Variants in PRSS38 observed in about 807,000 individuals in gnomAD.
PRSS38 encodes the protein serine protease 38, also known as marapsin 2.
PRSS38 carries 22 observed loss-of-function variants against 26.8 expected under a neutral mutation model. The ratio of observed to expected loss-of-function variants is 0.82; its 90% CI spans 0.59 to 1.17. The LOEUF is 1.17. Among genes scored for constraint, PRSS38 ranks in the 50% most tolerant of loss-of-function variants. PRSS38 has a pLI of 0.00. For synonymous variants in PRSS38, 175 were observed against 172.1 expected (o/e 1.02, Z -0.13); for missense variants, 427 against 422.7 (o/e 1.01, Z -0.09).
At chr1:227,842,067 T>C (rs188331283) in intron 3 of PRSS38, among the ~76,000 whole-genome samples, 10 of 152,120 alleles carry the variant, frequency 6.6e-5, no homozygotes, top group Admixed American at 5.9e-4. Flanking sequence ...TCCCCCCACC[T>C]CCACAGCACT....
chr1:227,832,291 C>A (rs574147886), intron 3 of PRSS38, among the ~76,000 whole-genome samples: 1 of 152,052 alleles, frequency 6.6e-6, no homozygotes, highest in Non-Finnish European at 1.5e-5. Context: ...TCCATCTTCA[C>A]GTTTAATGTA....
intron 3 of PRSS38, among the ~76,000 whole-genome samples, chr1:227,830,746 C>T (rs1665142858): frequency 6.6e-6 from 1 of 151,920 alleles, no homozygotes; most frequent in Non-Finnish European, 1.5e-5. Context: ...CTCAGGTGAT[C>T]TGCCCACCTC....
At chr1:227,822,122 C>G (rs1665011997) in intron 3 of PRSS38, among the ~76,000 whole-genome samples, 2 of 152,054 alleles carry the variant, frequency 1.3e-5, no homozygotes, top group Non-Finnish European at 2.9e-5. Flanking sequence ...TGCTTTGCCC[C>G]TTTAGTGAAG....
At chr1:227,841,320 C>T (rs894344676) in intron 3 of PRSS38, among the ~76,000 whole-genome samples, 1 of 152,238 alleles carries the variant, frequency 6.6e-6, no homozygotes, top group Admixed American at 6.5e-5. Flanking sequence ...AGCACTTTTC[C>T]AAGCCCCTGC....
intron 3 of PRSS38, among the ~76,000 whole-genome samples, chr1:227,821,448 T>A (rs548004119): frequency 2.6e-5 from 4 of 152,234 alleles, no homozygotes; most frequent in African/African-American, 9.6e-5. Flanking sequence ...ATTTGTCATA[T>A]GGCTTTGACT....
chr1:227,827,778 G>T (rs1572084450), intron 3 of PRSS38, among the ~76,000 whole-genome samples: 1 of 151,944 alleles, frequency 6.6e-6, no homozygotes, highest in Non-Finnish European at 1.5e-5. Flanking sequence ...TTTAGTTGAG[G>T]TGTTAGGTTG....
At chr1:227,840,170 A>G (rs1357589240) in intron 3 of PRSS38, among the ~76,000 whole-genome samples, 2 of 152,118 alleles carry the variant, frequency 1.3e-5, no homozygotes, top group Non-Finnish European at 2.9e-5. Flanking sequence ...GTCTTAGGCT[A>G]GAGTGCAGTG....
chr1:227,846,364 G>A, exon 5 of PRSS38: 1 of 961,354 alleles, frequency 1.0e-6, no homozygotes, highest in Non-Finnish European at 1.5e-6. Flanking sequence ...TGATGAGCAA[G>A]TGTACAAAAG....
At position 227,845,494 on chromosome 1, in the gene PRSS38, AGATGCAGCTC is replaced by A. The variant is rs759616499; in HGVS notation, c.609_618del (p.Glu203AspfsTer3). 9 of 1,611,806 alleles carry A rather than the reference AGATGCAGCTC, an allele frequency of 5.6e-6. No homozygotes were observed. Among genetic ancestry groups the A allele is most frequent in the Non-Finnish European group, 7.6e-6 (9 of 1,178,958 alleles). ...GGTGAGACCTCAGACGAGCTGCAGG[AGATGCAGCTC>A]CCGCTGATCCTGGAGCCCTGGTGCC... On this transcript the variant is annotated frameshift_variant, in exon 4 of 5. Coordinates refer to ENST00000366757, the Ensembl canonical transcript of PRSS38. LOFTEE classifies it high-confidence loss of function.
chr1:227,816,348 C>A lies in PRSS38; in HGVS notation c.311+96C>A. On this transcript the variant is annotated intron_variant, in intron 2 of 4. Coordinates refer to ENST00000366757, the Ensembl canonical transcript of PRSS38. This position sits in a 1 kb window ranked among gnomAD's most constrained non-coding sequence, Gnocchi z 5.1. ...GACCCCACGCAAGCCTCCCCCATCACCATTGTCGACTCCCTTCACCACTGT... is the reference window on the plus strand; with the variant it reads ...GACCCCACGCAAGCCTCCCCCATCAACATTGTCGACTCCCTTCACCACTGT... The A allele has an allele frequency of 7.6e-7, 1 of 1,323,038 alleles. No homozygotes were observed. Among genetic ancestry groups the A allele is most frequent in the African/African-American group, 1.5e-5 (1 of 68,912 alleles). 82.0% of individuals were successfully genotyped at this position (1,323,038 alleles called of 1,614,324 possible).
chr1:227,836,103 CTT>C (rs75326252), intron 3 of PRSS38, among the ~76,000 whole-genome samples: 14 of 146,584 alleles, frequency 9.6e-5, no homozygotes, highest in Non-Finnish European at 1.5e-4. Context: ...TTGTTTTTTA[CTT>C]TTTTTTTTTT....
intron 3 of PRSS38, among the ~76,000 whole-genome samples, chr1:227,818,884 G>C (rs1229313553): frequency 6.6e-6 from 1 of 152,100 alleles, no homozygotes; most frequent in Non-Finnish European, 1.5e-5. Context: ...AAAACACTCT[G>C]ATCCTAGTAC....
chr1:227,830,100 T>C (rs1280324083), intron 3 of PRSS38, among the ~76,000 whole-genome samples: 2 of 152,240 alleles, frequency 1.3e-5, no homozygotes, highest in Admixed American at 1.3e-4. Context: ...TATTCAATTT[T>C]GGATATTAAA....
At chr1:227,820,423 T>A (rs903349046) in intron 3 of PRSS38, among the ~76,000 whole-genome samples, 1 of 152,164 alleles carries the variant, frequency 6.6e-6, no homozygotes, top group Non-Finnish European at 1.5e-5. Context: ...CCATTGAATA[T>A]GATGTTAGCT....
At chr1:227,817,067 A>G (rs1664930565) in intron 2 of PRSS38, 142 bp from the exon 3 acceptor site, 5 of 864,654 alleles carry the variant, frequency 5.8e-6, no homozygotes, top group Admixed American at 4.8e-5. Flanking sequence ...ACAGCCAGAT[A>G]GGTCCCTACT....
Position 227,829,888 on chromosome 1 carries a change from T to G in PRSS38, c.583+12408T>G, listed in dbSNP as rs1237915394. Among the ~76,000 whole-genome samples, 3 of 152,252 alleles carry G rather than the reference T, an allele frequency of 2.0e-5. 1 individual carries two copies. Among genetic ancestry groups the G allele is most frequent in the South Asian group, 4.1e-4 (2 of 4,826 alleles). On this transcript the variant is annotated intron_variant, in intron 3 of 4. Coordinates refer to ENST00000366757, the Ensembl canonical transcript of PRSS38. ...ATCCTTGCCTTGTTCTTCATCTTAG[T>G]GGGGGAAATGTTTCGTCTTTCACCA...
chr1:227,817,532 C>T, intron 3 of PRSS38, 52 bp downstream of exon 3: 3 of 1,578,146 alleles, frequency 1.9e-6, no homozygotes, highest in Non-Finnish European at 2.6e-6. Flanking sequence ...TCTCTTCCAC[C>T]ACAGGGAAGA....
intron 3 of PRSS38, among the ~76,000 whole-genome samples, chr1:227,824,068 T>C (rs1665037395): frequency 1.3e-5 from 2 of 152,208 alleles, no homozygotes; most frequent in African/African-American, 2.4e-5. Context: ...TTCTTTTTTT[T>C]CTTCAACTTT....
exon 4 of PRSS38, chr1:227,845,582 G>A (rs769212290): frequency 6.2e-7 from 1 of 1,613,802 alleles, no homozygotes; most frequent in South Asian, 1.1e-5. Flanking sequence ...TGTGTGCTGG[G>A]GACATCCTGA....
Sources: gnomAD v4.1 joint callset for allele counts (sites outside exome capture counted in the v4.1 genomes callset) on GRCh38, gnomAD v4.1.1 for gene constraint, Gnocchi (gnomAD v3.1) non-coding constraint, MANE v1.5 for transcripts, NCBI Gene and HGNC (gene_info 2026-07-23, HGNC 2026-07-21) for gene names.